TOPAZ1: variants seen among roughly 807,000 people sequenced by gnomAD.
TOPAZ1 encodes the protein protein TOPAZ1.
A neutral mutation model predicts 172.2 loss-of-function variants in TOPAZ1; 66 were observed. That is an observed-to-expected ratio of 0.38 (90% CI 0.31 to 0.47). TOPAZ1 has a LOEUF of 0.47. TOPAZ1 is among the 20% of genes least tolerant of loss of function. TOPAZ1 has a pLI of 0.99. For synonymous variants in TOPAZ1, 681 were observed against 683.9 expected (o/e 1.00, Z 0.07); for missense variants, 1,822 against 1,972.4 (o/e 0.92, Z 1.44).
rs1700378256 is a variant in TOPAZ1 at position 44,309,808 on chromosome 3, C to T, written c.4141-17C>T. On this transcript the variant is annotated splice_polypyrimidine_tract_variant and intron_variant, in intron 15 of 19. Transcript: ENST00000309765. ...AAATGATTGATACCCAATTAGTGTT[C>T]TTTATTTTTATTCTAGGGAAGGAAG... The T allele has an allele frequency of 6.9e-7, 1 of 1,459,412 alleles. No individual in the cohort carries two copies. The highest frequency in any genetic ancestry group is 1.4e-5 in the African/African-American group (1 of 69,642). The allele number at this position is 1,459,412 out of a possible 1,614,324, so 90.4% of individuals were successfully genotyped here.
chr3:44,256,398 AC>A, intron 4 of TOPAZ1, 120 bp downstream of exon 4: 1 of 902,234 alleles, frequency 1.1e-6, no homozygotes, highest in Admixed American at 3.8e-5. Flanking sequence ...TAAAAGAATC[AC>A]GTCACTCTAG....
At chr3:44,279,028 G>T (rs1460945843) in intron 8 of TOPAZ1, among the ~76,000 whole-genome samples, 1 of 151,674 alleles carries the variant, frequency 6.6e-6, no homozygotes, top group Non-Finnish European at 1.5e-5. Flanking sequence ...TTGGTATTTT[G>T]TTTTCTCATT....
chr3:44,272,506 C>G (rs535462247), intron 8 of TOPAZ1, among the ~76,000 whole-genome samples: 1 of 152,222 alleles, frequency 6.6e-6, no homozygotes, highest in African/African-American at 2.4e-5. Flanking sequence ...TGATGTTGAG[C>G]CTTTTTTCGT....
intron 4 of TOPAZ1, among the ~76,000 whole-genome samples, chr3:44,257,570 T>C (rs1250318174): frequency 6.6e-6 from 1 of 151,392 alleles, no homozygotes; most frequent in Non-Finnish European, 1.5e-5. Context: ...AATTTTTAGG[T>C]TTACCATGGT....
chr3:44,245,132 G>A lies in TOPAZ1; in HGVS notation c.2626G>A (p.Val876Ile). 1 of 1,552,002 alleles carries A rather than the reference G, an allele frequency of 6.4e-7. No homozygotes were observed. The highest frequency in any genetic ancestry group is 8.7e-7 in the Non-Finnish European group (1 of 1,147,060). ...VIQDDPDLFG[V>I]SNEGELSFTS... is the part of the protein sequence containing the mutation. ...TCAAGATGACCCAGACCTCTTTGGAGTCTCCAATGAAGGGGAGCTCTCATT... is the reference window on the plus strand; with the variant it reads ...TCAAGATGACCCAGACCTCTTTGGAATCTCCAATGAAGGGGAGCTCTCATT... Residue 876 changes from valine (V) to isoleucine (I), a missense_variant, in exon 2 of 20, where the codon GTC becomes ATC. By Grantham distance (29) the Val-to-Ile change is conservative. This residue lies in a region of TOPAZ1 where 1,489 missense variants were observed against 1,490.8 expected (regional missense o/e 1.00). Coordinates refer to ENST00000309765, the MANE Select transcript of TOPAZ1 (RefSeq NM_001145030.2).
chr3:44,283,223 G>A (rs1700042041), intron 9 of TOPAZ1, among the ~76,000 whole-genome samples: 1 of 149,772 alleles, frequency 6.7e-6, no homozygotes, highest in Admixed American at 6.6e-5. Context: ...AATGTAGAAA[G>A]TTGTCAAGAA....
chr3:44,319,621 ATT>A (rs1700488202), intron 16 of TOPAZ1, among the ~76,000 whole-genome samples: 1 of 152,204 alleles, frequency 6.6e-6, no homozygotes. Context: ...ATTCATTTAC[ATT>A]TCTCTCTATA....
chr3:44,242,302 G>A lies in TOPAZ1; in HGVS notation c.249G>A (p.Glu83=). 1 of 1,551,740 alleles carries A rather than the reference G, an allele frequency of 6.4e-7. No homozygotes were observed. Among genetic ancestry groups the A allele is most frequent in the Non-Finnish European group, 8.7e-7 (1 of 1,146,950 alleles). The part of the protein sequence containing the change: ...GAGKAARRQV[E]GRRGPVSPSD... The stretch of plus-strand genomic sequence containing the variant: ...GAAAGGCCGCAAGGCGTCAGGTGGA[G>A]GGGCGCAGGGGCCCGGTGAGCCCGT... The change falls in exon 1 of 20, where the codon GAG becomes GAA. Residue 83 remains glutamate (E), a synonymous_variant. Transcript: ENST00000309765.
rs556129229 is a variant in TOPAZ1, at chr3:44,256,165, C to T, written c.2842C>T (p.Arg948Cys). The T allele has an allele frequency of 3.3e-5, 49 of 1,505,162 alleles. No homozygotes were observed. Among genetic ancestry groups the T allele is most frequent in the African/African-American group, 5.7e-5 (4 of 69,916 alleles). The allele number at this position is 1,505,162 out of a possible 1,614,324, so 93.2% of individuals were successfully genotyped here. The stretch of plus-strand genomic sequence containing the variant: ...TTTCTTTTCAGAAAGTGAAATAAAA[C>T]GTGATCCCAAAGATGTAAACACTTC... Reference protein sequence around the residue: ...ASNSAESEIKRDPKDVNTSLG... With the variant: ...ASNSAESEIKCDPKDVNTSLG... Residue 948 changes from arginine (R) to cysteine (C), a missense_variant, in exon 4 of 20, where the codon CGT becomes TGT. Transcript: ENST00000309765.
At chr3:44,323,394 A>G in intron 18 of TOPAZ1, 99 bp downstream of exon 18, 1 of 709,742 alleles carries the variant, frequency 1.4e-6, no homozygotes, top group Non-Finnish European at 2.2e-6. Context: ...ATGTATTAAA[A>G]GAGCAGTAAT....
Position 44,243,517 on chromosome 3 carries a change from T to G in TOPAZ1, c.1011T>G (p.Ser337=). The G allele has an allele frequency of 3.9e-6, 6 of 1,551,626 alleles. No homozygotes were observed. The highest frequency in any genetic ancestry group is 5.2e-6 in the Non-Finnish European group (6 of 1,146,946). ...GRKPRKRMKL[S]EKADETVTEM... ...AACCCAGGAAAAGGATGAAGTTGTC[T>G]GAAAAAGCAGATGAAACAGTTACTG... Residue 337 remains serine, a synonymous_variant, in exon 2 of 20, where the codon TCT becomes TCG. Coordinates refer to ENST00000309765, the MANE Select transcript of TOPAZ1 (RefSeq NM_001145030.2).
chr3:44,248,838 C>G (rs1699596241), intron 2 of TOPAZ1, among the ~76,000 whole-genome samples: 1 of 152,128 alleles, frequency 6.6e-6, no homozygotes, highest in African/African-American at 2.4e-5. Flanking sequence ...AGTAGACAAA[C>G]TTGAGCTGAC....
intron 2 of TOPAZ1, among the ~76,000 whole-genome samples, chr3:44,246,279 A>G (rs1699565922): frequency 6.6e-6 from 1 of 152,124 alleles, no homozygotes; most frequent in Admixed American, 6.5e-5. Flanking sequence ...TTGATTTAAT[A>G]TTATGTCATA....
At chr3:44,271,592 C>T (rs1337171514) in intron 8 of TOPAZ1, among the ~76,000 whole-genome samples, 2 of 151,458 alleles carry the variant, frequency 1.3e-5, no homozygotes, top group Non-Finnish European at 2.9e-5. Flanking sequence ...TGCCTTTTCA[C>T]CTTTTGTATT....
At chr3:44,286,786 GAAA>G (rs1700084772) in intron 9 of TOPAZ1, among the ~76,000 whole-genome samples, 1 of 152,128 alleles carries the variant, frequency 6.6e-6, no homozygotes, top group Non-Finnish European at 1.5e-5. Flanking sequence ...AATTAATGGG[GAAA>G]AATTGGAAAC....
At chr3:44,309,764 A>G in intron 15 of TOPAZ1, 61 bp from the exon 16 acceptor site, 1 of 1,182,938 alleles carries the variant, frequency 8.5e-7, no homozygotes, top group East Asian at 2.6e-5. Flanking sequence ...AATAATTATC[A>G]GTGGCTTTGT....
chr3:44,302,046 A>G (rs911806166), intron 12 of TOPAZ1, among the ~76,000 whole-genome samples: 2 of 152,080 alleles, frequency 1.3e-5, no homozygotes, highest in Middle Eastern at 3.2e-3. Context: ...TCTCTTAGGT[A>G]TGTTATGTGA....
intron 19 of TOPAZ1, among the ~76,000 whole-genome samples, chr3:44,330,524 T>C (rs1700656073): frequency 6.6e-6 from 1 of 152,178 alleles, no homozygotes; most frequent in Non-Finnish European, 1.5e-5. Flanking sequence ...CTGCACCACC[T>C]ACCAGATTCC....
rs1244070641 is a variant in TOPAZ1, at chr3:44,306,410, T to A, written c.4124T>A (p.Leu1375Gln). 4 of 1,541,666 alleles carry A rather than the reference T, an allele frequency of 2.6e-6. No individual in the cohort carries two copies. Among genetic ancestry groups the A allele is most frequent in the Non-Finnish European group, 3.5e-6 (4 of 1,139,682 alleles). The part of the protein sequence containing the change: ...GISAMYFYHK[L>Q]LQWSKGRKVL... ...AGTGCTATGTACTTCTATCACAAGC[T>A]GTTGCAGTGGTCCAAGGTACTTCAT... is the stretch of plus-strand genomic sequence containing the variant. Residue 1375 changes from leucine to glutamine, a missense_variant, in exon 15 of 20, where the codon CTG becomes CAG. Around this residue, in one of 2 missense-constraint regions of TOPAZ1, gnomAD observed 333 missense variants for 481.7 expected, o/e 0.69. Transcript: ENST00000309765.
Sources: allele counts gnomAD v4.1 joint callset (sites outside exome capture counted in the v4.1 genomes callset), GRCh38; gene constraint gnomAD v4.1.1; regional missense constraint gnomAD v4.1.1; transcripts MANE v1.5; gene names NCBI Gene and HGNC (gene_info 2026-07-23, HGNC 2026-07-21).